The following LAMC3 variants were observed in gnomAD, a reference collection of about 807,000 sequenced individuals.
LAMC3 encodes laminin subunit gamma-3.
Under a neutral mutation model 173.8 loss-of-function variants are expected in LAMC3, and 128 were observed. The observed-to-expected ratio is 0.74, with a 90% confidence interval of 0.64 to 0.85. LAMC3 has a LOEUF of 0.85. LAMC3 is among the 40% of genes least tolerant of loss of function. LAMC3 has a pLI of 0.00. For synonymous variants in LAMC3, 897 were observed against 909.1 expected (o/e 0.99, Z 0.24); for missense variants, 2,022 against 2,156.0 (o/e 0.94, Z 1.23).
intron 1 of LAMC3, among the ~76,000 whole-genome samples, chr9:131,018,923 A>T (rs1039386715): frequency 6.6e-6 from 1 of 152,068 alleles, no homozygotes; most frequent in African/African-American, 2.4e-5. Flanking sequence ...CGCCTTGTTG[A>T]TGCTCCCACA....
rs1304876847 is a variant in LAMC3 at position 131,092,461 on chromosome 9, C to T, written c.*674C>T. ...GTTCTTAGCAGCAGAATCTGAGGCC[C>T]AGAGACCCTGAGGCCGTGGCCAGGC... On this transcript the variant is annotated 3_prime_UTR_variant, in exon 28 of 28. Transcript: ENST00000361069. The T allele has an allele frequency of 6.5e-6, 1 of 153,230 alleles. No individual in the cohort carries two copies. Among genetic ancestry groups the T allele is most frequent in the Admixed American group, 6.5e-5 (1 of 15,484 alleles). 9.5% of individuals were successfully genotyped at this position (153,230 alleles called of 1,614,324 possible). A position where few individuals can be genotyped will look rare whatever the true frequency, so the allele number is the denominator to read the frequency against.
intron 13 of LAMC3, among the ~76,000 whole-genome samples, chr9:131,064,277 C>T (rs983258634): frequency 2.6e-5 from 4 of 152,218 alleles, no homozygotes; most frequent in African/African-American, 9.7e-5. Context: ...CTATTCTTCA[C>T]AATGGCAGCA....
Position 131,060,645 on chromosome 9 carries a change from CTAATAATAATAA to C in LAMC3, c.2159-374_2159-363del, listed in dbSNP as rs10597678. On this transcript the variant is annotated intron_variant, in intron 12 of 27. Transcript: ENST00000361069. Reference sequence around the variant, plus strand: ...GTGACAGAGTGAGACTCTGTCTCAACTAATAATAATAATAATAATAATAATAACAGCAGCGAT... The same window carrying C: ...GTGACAGAGTGAGACTCTGTCTCAACTAATAATAATAATAACAGCAGCGAT... Among the ~76,000 whole-genome samples, 892 of 150,242 alleles carry C rather than the reference CTAATAATAATAA, an allele frequency of 5.9e-3. 10 individuals are homozygous for C. Among genetic ancestry groups the C allele is most frequent in the Admixed American group, 0.017 (249 of 15,038 alleles).
chr9:131,057,299 A>G (rs1829700748), intron 12 of LAMC3, 152 bp downstream of exon 12: 4 of 716,222 alleles, frequency 5.6e-6, no homozygotes, highest in Non-Finnish European at 1.0e-5. Context: ...CGTGCTGCTC[A>G]GTGCCTGGGC....
rs1430004259 is a variant in LAMC3 at position 131,029,362 on chromosome 9, C to A, written c.679-2683C>A. On this transcript the variant is annotated intron_variant, in intron 2 of 27. Transcript: ENST00000361069. The surrounding 1 kb of genome is among the most constrained non-coding windows in gnomAD (Gnocchi z 4.6). ...AGCTCTGTAGATTAGAAAACGTCAC[C>A]CGAGGTCAGATGAAGACAGGCAGGG... is the stretch of plus-strand genomic sequence containing the variant. Among the ~76,000 whole-genome samples the A allele has an allele frequency of 2.0e-5, 3 of 152,180 alleles. No homozygotes were observed. The highest frequency in any genetic ancestry group is 2.0e-4 in the Admixed American group (3 of 15,284).
intron 2 of LAMC3, among the ~76,000 whole-genome samples, chr9:131,030,439 A>G (rs1310587297): frequency 6.6e-6 from 1 of 152,150 alleles, no homozygotes; most frequent in Non-Finnish European, 1.5e-5. Flanking sequence ...TCTGGGCCCC[A>G]CTGGCATGAT....
At chr9:131,042,135 C>T (rs1834068364) in intron 7 of LAMC3, among the ~76,000 whole-genome samples, 1 of 152,100 alleles carries the variant, frequency 6.6e-6, no homozygotes, top group Non-Finnish European at 1.5e-5. Context: ...ACACTCACTG[C>T]AGACATAGCT....
chr9:131,075,799 T>C (rs754244303), intron 20 of LAMC3, 32 bp from the exon 21 acceptor site: 1 of 1,598,324 alleles, frequency 6.3e-7, no homozygotes, highest in Non-Finnish European at 8.5e-7. Context: ...CTGCGAGCCC[T>C]TGGTAATGCT....
In LAMC3 at chr9:131,039,023, C is replaced by G; in HGVS notation, c.1136C>G (p.Pro379Arg). 6.2e-7 allele frequency: 1 copy of G among 1,613,618 alleles called. No homozygotes were observed. Among genetic ancestry groups the G allele is most frequent in the Non-Finnish European group, 8.5e-7 (1 of 1,179,992 alleles). ...TTCTATCACTGGGACCCGCGGATGC[C>G]ATGCCAGCCCTGTGACTGCCAGTCG... ...ENFYHWDPRM[P>R]CQPCDCQSAG... The change falls in exon 5 of 28, where the codon CCA (proline) becomes CGA (arginine). Residue 379 changes from proline to arginine, a missense_variant. Physicochemically the swap from Pro to Arg is moderately radical, Grantham distance 103. Coordinates refer to ENST00000361069, the MANE Select transcript of LAMC3 (RefSeq NM_006059.4).
chr9:131,020,086 A>G (rs777360472), intron 1 of LAMC3, among the ~76,000 whole-genome samples: 67 of 152,264 alleles, frequency 4.4e-4, no homozygotes, highest in Non-Finnish European at 7.4e-4. Context: ...ACAAAGCCCT[A>G]TAATTGGAGC....
chr9:131,045,610 C>G lies in LAMC3; in HGVS notation c.1469C>G (p.Ala490Gly). Residue 490 changes from alanine (A) to glycine (G), a missense_variant, in exon 8 of 28, where the codon GCG becomes GGG. Transcript: ENST00000361069. ...TGCTATGGCCACTCCAAGGTGTGCGCGTCCACTGCCCAGTTCCAGGTGCAT... is the reference window on the plus strand; with the variant it reads ...TGCTATGGCCACTCCAAGGTGTGCGGGTCCACTGCCCAGTTCCAGGTGCAT... ...CFCYGHSKVC[A>G]STAQFQVHHI... The G allele has an allele frequency of 6.2e-7, 1 of 1,614,172 alleles. No homozygotes were observed. Among genetic ancestry groups the G allele is most frequent in the Non-Finnish European group, 8.5e-7 (1 of 1,180,040 alleles).
chr9:131,089,066 G>A (rs1006877269), intron 27 of LAMC3, among the ~76,000 whole-genome samples: 19 of 151,730 alleles, frequency 1.3e-4, no homozygotes, highest in Middle Eastern at 3.4e-3. Context: ...GCCTGGGTGA[G>A]AGTGAGACTC....
chr9:131,091,036 G>GCATC, intron 27 of LAMC3, among the ~76,000 whole-genome samples: 1 of 152,168 alleles, frequency 6.6e-6, no homozygotes, highest in South Asian at 2.1e-4. Flanking sequence ...ATAAATAAAT[G>GCATC]CATCCATCCA....
chr9:131,075,556 C>CTT (rs1040219946), intron 20 of LAMC3, among the ~76,000 whole-genome samples: 13 of 138,940 alleles, frequency 9.4e-5, no homozygotes, highest in African/African-American at 3.4e-4. Context: ...GAGTGAGACT[C>CTT]TGTCTCAAAA....
intron 1 of LAMC3, among the ~76,000 whole-genome samples, chr9:131,018,151 T>C (rs1466141543): frequency 1.3e-5 from 2 of 151,200 alleles, no homozygotes; most frequent in Admixed American, 6.6e-5. Context: ...TTTTTTTTTT[T>C]CTTGAGTTGG....
Position 131,091,631 on chromosome 9 carries a change from C to T in LAMC3, c.4572C>T (p.Ser1524=). Residue 1524 remains serine, a synonymous_variant, in exon 28 of 28, where the codon TCC becomes TCT. Coordinates refer to ENST00000361069, the MANE Select transcript of LAMC3 (RefSeq NM_006059.4). ...GGCTGCAGCTGGGCTCCCCGGGGTC[C>T]TTGCAGAGGAAACTCAGTCTGCTGG... ...RLRLQLGSPG[S]LQRKLSLLEQ... 1.2e-6 allele frequency: 2 copies of T among 1,600,540 alleles called. No individual in the cohort carries two copies. Among genetic ancestry groups the T allele is most frequent in the Non-Finnish European group, 1.7e-6 (2 of 1,174,000 alleles).
Position 131,009,360 on chromosome 9 carries a change from A to C in LAMC3, c.146A>C (p.Gln49Pro). The change falls in exon 1 of 28, where the codon CAG (glutamine) becomes CCG (proline). Residue 49 changes from glutamine to proline, a missense_variant. Gln to Pro is a moderately conservative substitution (Grantham distance 76). Transcript: ENST00000361069. This position sits in a 1 kb window ranked among gnomAD's most constrained non-coding sequence, Gnocchi z 4.3. ...AACGCGGCGTTTGGGCGGCTCGCCCAGGCCTCGCACACGTGCGGCAGCCCG... is the reference window on the plus strand; with the variant it reads ...AACGCGGCGTTTGGGCGGCTCGCCCCGGCCTCGCACACGTGCGGCAGCCCG... ...FENAAFGRLA[Q>P]ASHTCGSPPE... The C allele has an allele frequency of 6.6e-7, 1 of 1,512,506 alleles. No homozygotes were observed. Among genetic ancestry groups the C allele is most frequent in the Non-Finnish European group, 8.8e-7 (1 of 1,136,566 alleles). The allele number at this position is 1,512,506 out of a possible 1,614,324, so 93.7% of individuals were successfully genotyped here. A position where few individuals can be genotyped will look rare whatever the true frequency, so the allele number is the denominator to read the frequency against.
At chr9:131,068,025 T>C (rs552129092) in intron 14 of LAMC3, 53 bp from the exon 15 acceptor site, 1 of 1,596,096 alleles carries the variant, frequency 6.3e-7, no homozygotes, top group African/African-American at 1.3e-5. Flanking sequence ...CCCCCAAAGT[T>C]GGAACAGACA....
At chr9:131,017,626 T>TA (rs1833548085) in intron 1 of LAMC3, among the ~76,000 whole-genome samples, 2 of 145,038 alleles carry the variant, frequency 1.4e-5, no homozygotes, top group African/African-American at 5.2e-5. Context: ...CTTGGGAGGC[T>TA]GAGGCAGGAG....
Sources: gnomAD v4.1 joint callset for allele counts (sites outside exome capture counted in the v4.1 genomes callset) on GRCh38, gnomAD v4.1.1 for gene constraint, Gnocchi (gnomAD v3.1) non-coding constraint, MANE v1.5 for transcripts, NCBI Gene and HGNC (gene_info 2026-07-23, HGNC 2026-07-21) for gene names.